Variants in CLCA4 observed in about 807,000 individuals in gnomAD.
CLCA4 encodes calcium-activated chloride channel regulator 4.
In CLCA4, 69 loss-of-function variants were observed where a neutral mutation model predicts 78.9. The ratio of observed to expected loss-of-function variants is 0.87; its 90% confidence interval spans 0.72 to 1.07. CLCA4 has a LOEUF of 1.07. Among genes scored for constraint, CLCA4 ranks in the 50% least tolerant of loss-of-function variants. CLCA4 has a pLI of 0.00. For missense variants in CLCA4, 1,133 were observed against 1,095.8 expected, an observed-to-expected ratio of 1.03 and a Z score of -0.48; for synonymous variants, 362 against 375.8, an observed-to-expected ratio of 0.96 and a Z score of 0.42.
Position 86,560,244 on chromosome 1 carries a change from G to C in CLCA4, c.334G>C (p.Gly112Arg), listed in dbSNP as rs762204993. ...DVIVAPPTLP[G>R]RDEPYTKQFT... ...TATAGTTGCACCACCTACACTCCCAGGTAGAGATGAACCATACACCAAGCA... is the reference window on the plus strand; with the variant it reads ...TATAGTTGCACCACCTACACTCCCACGTAGAGATGAACCATACACCAAGCA... Residue 112 changes from glycine to arginine, a missense_variant, in exon 3 of 14, where the codon GGT (glycine) becomes CGT (arginine). Transcript: ENST00000370563. 4.3e-5 allele frequency: 70 copies of C among 1,613,674 alleles called. 1 individual carries two copies. The South Asian group carries it at 7.6e-4, about 17-fold the overall frequency.
At chr1:86,571,525 T>C (rs1306321226) in intron 8 of CLCA4, 1 of 256,052 alleles carries the variant, frequency 3.9e-6, no homozygotes, top group Non-Finnish European at 7.4e-6. Context: ...TTAGTTTTAC[T>C]AGAGTTGTAT....
At chr1:86,559,593 A>G (rs1159547312) in intron 1 of CLCA4, among the ~76,000 whole-genome samples, 1 of 152,176 alleles carries the variant, frequency 6.6e-6, no homozygotes, top group Non-Finnish European at 1.5e-5. Flanking sequence ...ATCAACCAAG[A>G]TCTGTCATCC....
chr1:86,555,424 C>T (rs1649809583), intron 1 of CLCA4, among the ~76,000 whole-genome samples: 1 of 152,160 alleles, frequency 6.6e-6, no homozygotes, highest in Non-Finnish European at 1.5e-5. Flanking sequence ...ATATGGTTAG[C>T]CAGTTATCCC....
Position 86,574,758 on chromosome 1 carries a change from A to C in CLCA4, c.1683+3A>C. ...TCAGTATTCCAGGAACTGCAAAGGT[A>C]AGCAATCAGCTTTTAGACTTCCTGT... On this transcript the variant is annotated splice_donor_region_variant and intron_variant, in intron 10 of 13. Coordinates refer to ENST00000370563, the MANE Select transcript of CLCA4 (RefSeq NM_012128.4). The C allele has an allele frequency of 6.2e-7, 1 of 1,605,476 alleles. No individual in the cohort carries two copies.
chr1:86,580,081 T>G lies in CLCA4; in HGVS notation c.2496T>G (p.Asn832Lys), dbSNP rs1650663151. ...SKESFAFKPE[N>K]ISEENATHIF... The stretch of plus-strand genomic sequence containing the variant: ...AAAGCTTTGCATTTAAACCAGAAAA[T>G]ATCTCAGAAGAAAATGCAACCCACA... The change falls in exon 14 of 14, where the codon AAT becomes AAG. Residue 832 changes from asparagine (N) to lysine (K), a missense_variant. By Grantham distance (94) the Asn-to-Lys change is moderately conservative. Coordinates refer to ENST00000370563, the MANE Select transcript of CLCA4 (RefSeq NM_012128.4). The G allele has an allele frequency of 6.2e-7, 1 of 1,612,846 alleles. No homozygotes were observed. Among genetic ancestry groups the G allele is most frequent in the South Asian group, 1.1e-5 (1 of 91,046 alleles).
intron 7 of CLCA4, among the ~76,000 whole-genome samples, chr1:86,570,209 C>T (rs896135000): frequency 6.6e-6 from 1 of 151,970 alleles, no homozygotes; most frequent in Admixed American, 6.6e-5. Context: ...TCTACACACA[C>T]ACCTTCACTC....
At chr1:86,572,587 A>T (rs567036330) in intron 8 of CLCA4, 27 bp from the exon 9 acceptor site, 1 of 1,229,020 alleles carries the variant, frequency 8.1e-7, no homozygotes, top group Admixed American at 1.7e-5. Context: ...TCTAGAAAGC[A>T]GTCTAATTAA....
chr1:86,575,946 G>T (rs1200571733), intron 11 of CLCA4, among the ~76,000 whole-genome samples: 1 of 151,852 alleles, frequency 6.6e-6, no homozygotes, highest in Admixed American at 6.6e-5. Context: ...CAAAAAATTA[G>T]CCAGGTGTGG....
intron 7 of CLCA4, 31 bp from the exon 8 acceptor site, chr1:86,571,046 T>A (rs764778185): frequency 6.5e-7 from 1 of 1,546,012 alleles, no homozygotes; most frequent in Non-Finnish European, 8.9e-7. Flanking sequence ...GGAACATCTG[T>A]TGGTAACTGT....
intron 11 of CLCA4, among the ~76,000 whole-genome samples, chr1:86,577,263 GTAT>G (rs1460984567): frequency 6.6e-6 from 1 of 151,970 alleles, no homozygotes; most frequent in Non-Finnish European, 1.5e-5. Context: ...ACCTGAGATG[GTAT>G]TAGTGATTAA....
rs948965705 is a variant in CLCA4 at position 86,580,231 on chromosome 1, T to C, written c.2646T>C (p.Thr882=). 1.2e-6 allele frequency: 2 copies of C among 1,611,384 alleles called. No individual in the cohort carries two copies. Among genetic ancestry groups the C allele is most frequent in the Non-Finnish European group, 1.7e-6 (2 of 1,178,408 alleles). The change falls in exon 14 of 14, where the codon ACT becomes ACC. Residue 882 remains threonine, a synonymous_variant. Transcript: ENST00000370563. ...ACATTGATCCTACACCTACTCCTAC[T>C]CCTACTCCTACTCCTGATAAAAGTC... ...PDDIDPTPTP[T]PTPTPDKSHN... is the part of the protein sequence containing the mutation.
chr1:86,549,987 A>G (rs1570316154), intron 1 of CLCA4, among the ~76,000 whole-genome samples: 2 of 152,352 alleles, frequency 1.3e-5, no homozygotes, highest in African/African-American at 4.8e-5. Context: ...ATAACATTCT[A>G]TGTAATATAG....
chr1:86,572,425 C>T (rs1207517395), intron 8 of CLCA4, among the ~76,000 whole-genome samples, 189 bp from the exon 9 acceptor site: 6 of 151,990 alleles, frequency 3.9e-5, no homozygotes, highest in African/African-American at 1.4e-4. Context: ...ATTATGGTAG[C>T]TTTCATTCCC....
intron 4 of CLCA4, 139 bp downstream of exon 4, chr1:86,563,908 T>C (rs1267231912): frequency 9.7e-6 from 5 of 514,766 alleles, no homozygotes. Context: ...AGAAAGTGTA[T>C]CTTTAAGTAG....
At chr1:86,576,816 G>A (rs181946893) in intron 11 of CLCA4, among the ~76,000 whole-genome samples, 8 of 152,122 alleles carry the variant, frequency 5.3e-5, no homozygotes, top group East Asian at 1.9e-4. Context: ...AAGATGCAAC[G>A]TTGGCCATTA....
rs373633534 is a variant in CLCA4 at position 86,563,738 on chromosome 1, C to G, written c.526C>G (p.Arg176Gly). 6.2e-7 allele frequency: 1 copy of G among 1,608,090 alleles called. No homozygotes were observed. Among genetic ancestry groups the G allele is most frequent in the South Asian group, 1.1e-5 (1 of 90,142 alleles). The change falls in exon 4 of 14, where the codon CGT becomes GGT. Residue 176 changes from arginine to glycine, a missense_variant. Transcript: ENST00000370563. The part of the protein sequence containing the change: ...DEYNEDQPFY[R>G]AKSKKIEATR... The stretch of plus-strand genomic sequence containing the variant: ...GTACAATGAAGATCAGCCTTTCTAC[C>G]GTGCTAAGTCAAAAAAAATCGAAGC...
intron 1 of CLCA4, among the ~76,000 whole-genome samples, chr1:86,559,619 T>C (rs1345761698): frequency 6.6e-6 from 1 of 152,186 alleles, no homozygotes; most frequent in Non-Finnish European, 1.5e-5. Flanking sequence ...ATACTAACAT[T>C]AGTATTAGAA....
At chr1:86,561,541 C>G (rs1650018859) in intron 3 of CLCA4, among the ~76,000 whole-genome samples, 1 of 152,156 alleles carries the variant, frequency 6.6e-6, no homozygotes, top group Admixed American at 6.6e-5. Flanking sequence ...TCTCAACTCT[C>G]TTTCTCAATT....
chr1:86,551,228 A>G (rs544746174), intron 1 of CLCA4, among the ~76,000 whole-genome samples: 2 of 152,266 alleles, frequency 1.3e-5, no homozygotes, highest in South Asian at 4.1e-4. Context: ...TTCGTTCATT[A>G]TGTTATTTTT....
Sources: gnomAD v4.1 joint callset for allele counts (sites outside exome capture counted in the v4.1 genomes callset) on GRCh38, gnomAD v4.1.1 for gene constraint, MANE v1.5 for transcripts, NCBI Gene and HGNC (gene_info 2026-07-23, HGNC 2026-07-21) for gene names.